CARMIL1: variants seen among roughly 807,000 people sequenced by gnomAD.
CARMIL1 encodes the protein capping protein regulator and myosin 1 linker 1, also known as F-actin-uncapping protein LRRC16A.
In CARMIL1, 90 loss-of-function variants were observed where a neutral mutation model predicts 177.1. The ratio of observed to expected loss-of-function variants is 0.51; its 90% CI spans 0.43 to 0.61. The LOEUF is 0.61. Ranked by LOEUF, CARMIL1 falls within the 20% of genes least tolerant of loss-of-function variation. CARMIL1 has a pLI of 0.00. For synonymous variants in CARMIL1, 577 were observed against 606.2 expected, an observed-to-expected ratio of 0.95 and a Z score of 0.71; for missense variants, 1,380 against 1,667.0, an observed-to-expected ratio of 0.83 and a Z score of 3.00.
At chr6:25,328,247 G>A (rs574606923) in intron 2 of CARMIL1, among the ~76,000 whole-genome samples, 3 of 152,290 alleles carry the variant, frequency 2.0e-5, no homozygotes, top group African/African-American at 4.8e-5. Context: ...ATACAGCAAA[G>A]GGATATCAAG....
chr6:25,606,122 T>C lies in CARMIL1; in HGVS notation c.3696T>C (p.Asn1232=). 6.2e-7 allele frequency: 1 copy of C among 1,613,902 alleles called. No individual in the cohort carries two copies. Among genetic ancestry groups the C allele is most frequent in the Non-Finnish European group, 8.5e-7 (1 of 1,179,874 alleles). ...NRFGLGTPEK[N]TKAEPKAEAG... is the part of the protein sequence containing the mutation. Reference sequence around the variant, plus strand: ...TTGGTTTGGGAACACCAGAAAAGAATACCAAAGCAGAACCCAAAGCGGAAG... The same window carrying C: ...TTGGTTTGGGAACACCAGAAAAGAACACCAAAGCAGAACCCAAAGCGGAAG... Residue 1232 remains asparagine (N), a synonymous_variant, in exon 35 of 37, where the codon AAT becomes AAC. Coordinates refer to ENST00000329474, the MANE Select transcript of CARMIL1 (RefSeq NM_017640.6).
At chr6:25,436,775 G>C (rs367637939) in intron 5 of CARMIL1, among the ~76,000 whole-genome samples, 1 of 152,172 alleles carries the variant, frequency 6.6e-6, no homozygotes, top group Admixed American at 6.5e-5. Flanking sequence ...CTTAAGTCTT[G>C]TGGTTCTCTG....
intron 2 of CARMIL1, among the ~76,000 whole-genome samples, chr6:25,389,721 T>C (rs1414671806): frequency 1.3e-5 from 2 of 152,186 alleles, no homozygotes. Flanking sequence ...GGCAAGCTAA[T>C]GTTGGTGTGG....
chr6:25,304,464 T>A (rs1406199505), intron 2 of CARMIL1, among the ~76,000 whole-genome samples: 3 of 152,196 alleles, frequency 2.0e-5, no homozygotes, highest in Admixed American at 6.5e-5. Context: ...TGGGATAAAC[T>A]GTTCCACCTC....
intron 2 of CARMIL1, among the ~76,000 whole-genome samples, chr6:25,348,934 C>T (rs551187974): frequency 2.6e-5 from 4 of 152,148 alleles, no homozygotes; most frequent in East Asian, 1.9e-4. Flanking sequence ...TACCATCACG[C>T]GTTTTAAAAA....
At chr6:25,308,211 T>C (rs1446725501) in intron 2 of CARMIL1, among the ~76,000 whole-genome samples, 4 of 152,214 alleles carry the variant, frequency 2.6e-5, no homozygotes, top group Non-Finnish European at 4.4e-5. Context: ...GCTGAAACTT[T>C]CTGTGCAGGA....
intron 26 of CARMIL1, among the ~76,000 whole-genome samples, chr6:25,543,072 G>A (rs939938519): frequency 2.6e-5 from 4 of 152,146 alleles, no homozygotes; most frequent in African/African-American, 2.4e-5. Flanking sequence ...ATTATAGTGA[G>A]TGGTAGAATA....
intron 2 of CARMIL1, among the ~76,000 whole-genome samples, chr6:25,406,814 A>G (rs1054697147): frequency 2.0e-5 from 3 of 152,200 alleles, no homozygotes; most frequent in Non-Finnish European, 4.4e-5. Flanking sequence ...GTTGGAGTAC[A>G]TACAAGTGAA....
In CARMIL1 at chr6:25,279,502, C is replaced by A; in HGVS notation, c.-294C>A. Reference sequence around the variant, plus strand: ...GAGGAGGAGCAGGCGCCACAGCCGCCCCGCGCCCCGCGCCCGCTTGTAATC... The same window carrying A: ...GAGGAGGAGCAGGCGCCACAGCCGCACCGCGCCCCGCGCCCGCTTGTAATC... On this transcript the variant is annotated 5_prime_UTR_variant, in exon 1 of 37. Coordinates refer to ENST00000329474, the MANE Select transcript of CARMIL1 (RefSeq NM_017640.6). 1 of 494,878 alleles carries A rather than the reference C, an allele frequency of 2.0e-6. No individual in the cohort carries two copies. Among genetic ancestry groups the A allele is most frequent in the South Asian group, 2.2e-5 (1 of 44,450 alleles). The allele number at this position is 494,878 out of a possible 1,614,324, so 30.7% of individuals were successfully genotyped here.
chr6:25,501,699 T>C (rs1804354222), intron 17 of CARMIL1, among the ~76,000 whole-genome samples: 2 of 152,210 alleles, frequency 1.3e-5, no homozygotes, highest in Admixed American at 1.3e-4. Context: ...AATTAACTCC[T>C]GTATGCTTGG....
At chr6:25,400,802 A>T (rs148707826) in intron 2 of CARMIL1, among the ~76,000 whole-genome samples, 2 of 152,256 alleles carry the variant, frequency 1.3e-5, no homozygotes, top group Non-Finnish European at 2.9e-5. Context: ...TCAAAAACCA[A>T]TTGTTCCTAG....
intron 31 of CARMIL1, among the ~76,000 whole-genome samples, chr6:25,586,495 C>T (rs1813713196): frequency 6.8e-6 from 1 of 146,156 alleles, no homozygotes; most frequent in Non-Finnish European, 1.5e-5. Flanking sequence ...AGAGGGGCTC[C>T]TCACATCCCA....
chr6:25,594,930 T>C (rs920749550), intron 32 of CARMIL1, among the ~76,000 whole-genome samples: 7 of 152,196 alleles, frequency 4.6e-5, no homozygotes, highest in Non-Finnish European at 8.8e-5. Context: ...ATGGTTATGC[T>C]GGAATTACTT....
intron 24 of CARMIL1, among the ~76,000 whole-genome samples, chr6:25,532,007 G>A (rs575838344): frequency 4.0e-4 from 61 of 152,174 alleles, no homozygotes; most frequent in African/African-American, 1.5e-3. Flanking sequence ...CTCACCTCAA[G>A]TGATCCACCC....
chr6:25,344,359 T>C (rs538785373), intron 2 of CARMIL1, among the ~76,000 whole-genome samples: 3 of 152,288 alleles, frequency 2.0e-5, no homozygotes, highest in Non-Finnish European at 2.9e-5. Context: ...TCAACCACTG[T>C]AATCTCTACC....
At chr6:25,500,049 G>T in intron 16 of CARMIL1, 117 bp from the exon 17 acceptor site, 1 of 827,466 alleles carries the variant, frequency 1.2e-6, no homozygotes, top group South Asian at 1.6e-5. Context: ...CTTGGTGCTT[G>T]ACCTGTGATT....
At chr6:25,498,704 C>A (rs1461119704) in intron 16 of CARMIL1, among the ~76,000 whole-genome samples, 3 of 152,172 alleles carry the variant, frequency 2.0e-5, no homozygotes, top group Admixed American at 2.0e-4. Flanking sequence ...ACTTGAGACA[C>A]ACACGAAAAG....
chr6:25,416,747 C>G (rs1434079269), intron 2 of CARMIL1, among the ~76,000 whole-genome samples: 1 of 152,176 alleles, frequency 6.6e-6, no homozygotes, highest in Non-Finnish European at 1.5e-5. Context: ...CTGCCACTGA[C>G]TAGCTGTGAG....
intron 31 of CARMIL1, among the ~76,000 whole-genome samples, chr6:25,587,673 A>G (rs1047628890): frequency 1.3e-5 from 2 of 152,214 alleles, no homozygotes; most frequent in Non-Finnish European, 2.9e-5. Flanking sequence ...CCGATTTAAT[A>G]CCACACTCAT....
Sources: gnomAD v4.1 joint callset for allele counts (sites outside exome capture counted in the v4.1 genomes callset) on GRCh38, gnomAD v4.1.1 for gene constraint, MANE v1.5 for transcripts, NCBI Gene and HGNC (gene_info 2026-07-23, HGNC 2026-07-21) for gene names.